The following SGCZ variants were observed in gnomAD, a reference collection of about 807,000 sequenced individuals.
The protein encoded by SGCZ is zeta-sarcoglycan.
Under a neutral mutation model 41.3 loss-of-function variants are expected in SGCZ, and 40 were observed. The observed-to-expected ratio is 0.97, with a 90% CI of 0.75 to 1.26. SGCZ has a LOEUF of 1.26. SGCZ is among the 50% of genes most tolerant of loss of function. The probability of loss-of-function intolerance (pLI) is 0.00; values close to 1 mark genes in which losing one functional copy is unlikely to be tolerated. For missense variants in SGCZ, 552 were observed against 369.8 expected (o/e 1.49, Z -4.04); for synonymous variants, 206 against 137.5 (o/e 1.50, Z -3.49).
At chr8:14,687,300 C>T (rs111390229) in intron 1 of SGCZ, among the ~76,000 whole-genome samples, 5 of 150,554 alleles carry the variant, frequency 3.3e-5, no homozygotes, top group Admixed American at 6.6e-5. Context: ...CCCATTAACT[C>T]GTCATTTAGC....
At chr8:14,893,754 A>C (rs1396368330) in intron 1 of SGCZ, among the ~76,000 whole-genome samples, 2 of 152,094 alleles carry the variant, frequency 1.3e-5, no homozygotes, top group African/African-American at 2.4e-5. Context: ...AGTCACAGAG[A>C]CTCTTAAACA....
chr8:15,133,717 C>T (rs191288554), intron 1 of SGCZ, among the ~76,000 whole-genome samples: 31 of 152,166 alleles, frequency 2.0e-4, no homozygotes, highest in African/African-American at 7.0e-4. Flanking sequence ...AAGACAGAAC[C>T]AAAGTCTTCA....
At chr8:14,776,056 G>T (rs897552892) in intron 1 of SGCZ, among the ~76,000 whole-genome samples, 1 of 152,086 alleles carries the variant, frequency 6.6e-6, no homozygotes, top group African/African-American at 2.4e-5. Context: ...ACAAAATGAA[G>T]ACATTCAAAA....
intron 2 of SGCZ, among the ~76,000 whole-genome samples, chr8:14,484,719 T>C (rs1469470579): frequency 6.6e-6 from 1 of 152,192 alleles, no homozygotes; most frequent in East Asian, 1.9e-4. Context: ...AATTTTAAAA[T>C]ATTGTGCCCA....
At chr8:14,350,643 C>G (rs947902382) in intron 2 of SGCZ, among the ~76,000 whole-genome samples, 5 of 152,038 alleles carry the variant, frequency 3.3e-5, no homozygotes, top group South Asian at 2.1e-4. Flanking sequence ...AATTACTGCT[C>G]CATGGCTCCC....
intron 1 of SGCZ, among the ~76,000 whole-genome samples, chr8:15,109,467 C>A (rs1473624532): frequency 6.6e-6 from 1 of 151,992 alleles, no homozygotes; most frequent in Non-Finnish European, 1.5e-5. Context: ...TCATAAGACA[C>A]AGAAAGGATC....
chr8:14,403,541 G>C (rs1563307089), intron 2 of SGCZ, among the ~76,000 whole-genome samples: 1 of 152,042 alleles, frequency 6.6e-6, no homozygotes, highest in Non-Finnish European at 1.5e-5. Flanking sequence ...CATCTATTGA[G>C]ATAACCATGT....
chr8:15,061,202 G>GTGAT (rs948702619), intron 1 of SGCZ, among the ~76,000 whole-genome samples: 3 of 152,110 alleles, frequency 2.0e-5, no homozygotes, highest in African/African-American at 7.2e-5. Context: ...CATTTCAGAG[G>GTGAT]TGATTAAGTC....
chr8:14,334,980 A>G (rs1426385517), intron 2 of SGCZ, among the ~76,000 whole-genome samples: 1 of 152,128 alleles, frequency 6.6e-6, no homozygotes, highest in Admixed American at 6.6e-5. Flanking sequence ...TTAAAAGTAC[A>G]GATATCCTTC....
intron 1 of SGCZ, among the ~76,000 whole-genome samples, chr8:14,935,753 C>G (rs935390334): frequency 1.3e-5 from 2 of 151,660 alleles, no homozygotes; most frequent in African/African-American, 4.8e-5. Context: ...ATTCCAATAA[C>G]TATAAATTAA....
At chr8:14,585,839 A>G (rs1024232882) in intron 1 of SGCZ, among the ~76,000 whole-genome samples, 3 of 152,212 alleles carry the variant, frequency 2.0e-5, no homozygotes, top group African/African-American at 7.2e-5. Context: ...GTAGCAAACC[A>G]TGAACACTCA....
chr8:15,056,470 A>T (rs1420192850), intron 1 of SGCZ, among the ~76,000 whole-genome samples: 1 of 152,120 alleles, frequency 6.6e-6, no homozygotes, highest in African/African-American at 2.4e-5. Flanking sequence ...CAAAAAACTC[A>T]CTATTAATGA....
intron 2 of SGCZ, among the ~76,000 whole-genome samples, chr8:14,361,134 C>G (rs999460152): frequency 6.6e-6 from 1 of 152,084 alleles, no homozygotes; most frequent in Non-Finnish European, 1.5e-5. Flanking sequence ...TGGATTGTTT[C>G]TTTGTTAAGC....
At chr8:15,172,140 G>C (rs268395) in intron 1 of SGCZ, among the ~76,000 whole-genome samples, 77,078 of 136,624 alleles carry the variant, frequency 0.56, 21,505 homozygotes, top group Non-Finnish European at 0.59. Flanking sequence ...GGAAAAAAAT[G>C]CCTTTTATAC....
chr8:14,831,574 T>C (rs1459736080), intron 1 of SGCZ, among the ~76,000 whole-genome samples: 1 of 151,946 alleles, frequency 6.6e-6, no homozygotes, highest in African/African-American at 2.4e-5. Context: ...ATTAAGTTTC[T>C]CCTAAACATG....
intron 1 of SGCZ, among the ~76,000 whole-genome samples, chr8:14,809,392 T>G (rs1383476322): frequency 6.6e-6 from 1 of 152,170 alleles, no homozygotes; most frequent in East Asian, 1.9e-4. Flanking sequence ...TAAACAATGA[T>G]GAAGACATTG....
intron 2 of SGCZ, among the ~76,000 whole-genome samples, chr8:14,393,587 T>A (rs897227549): frequency 6.6e-6 from 1 of 152,190 alleles, no homozygotes; most frequent in African/African-American, 2.4e-5. Flanking sequence ...GAAATTTCGG[T>A]GCATTCACCA....
intron 1 of SGCZ, among the ~76,000 whole-genome samples, chr8:14,905,687 G>C (rs748837758): frequency 2.0e-5 from 3 of 151,908 alleles, no homozygotes; most frequent in Non-Finnish European, 4.4e-5. Context: ...AATCCATGTA[G>C]AGGAATACGT....
chr8:15,135,409 A>G (rs1808066015), intron 1 of SGCZ, among the ~76,000 whole-genome samples: 1 of 152,234 alleles, frequency 6.6e-6, no homozygotes, highest in Non-Finnish European at 1.5e-5. Flanking sequence ...ATGAAAAATG[A>G]CATTCCATAA....
Sources: gnomAD v4.1 joint callset for allele counts (sites outside exome capture counted in the v4.1 genomes callset) on GRCh38, gnomAD v4.1.1 for gene constraint, MANE v1.5 for transcripts, NCBI Gene and HGNC (gene_info 2026-07-23, HGNC 2026-07-21) for gene names.